Variants in ZNF697 observed in about 807,000 individuals in gnomAD.
The protein encoded by ZNF697 is zinc finger protein 697.
ZNF697 carries 23 observed loss-of-function variants against 32.4 expected under a neutral mutation model. The ratio of observed to expected loss-of-function variants is 0.71; its 90% confidence interval spans 0.51 to 1.01. ZNF697 has a LOEUF of 1.01. Ranked by LOEUF, ZNF697 falls within the 50% of genes least tolerant of loss-of-function variation. The pLI is 0.00. For missense variants in ZNF697, 930 were observed against 794.0 expected (o/e 1.17, Z -2.06); for synonymous variants, 418 against 337.2 (o/e 1.24, Z -2.62).
intron 1 of ZNF697, among the ~76,000 whole-genome samples, chr1:119,641,326 T>C (rs1649065007): frequency 6.6e-6 from 1 of 151,970 alleles, no homozygotes; most frequent in Non-Finnish European, 1.5e-5. Flanking sequence ...TAGTTTTATA[T>C]TAAATTAAAT....
intron 1 of ZNF697, among the ~76,000 whole-genome samples, chr1:119,630,548 G>T (rs1418588070): frequency 6.6e-6 from 1 of 152,180 alleles, no homozygotes; most frequent in East Asian, 1.9e-4. Flanking sequence ...CTGGGAAAAT[G>T]CTCAAGAGCC....
rs367955104 is a variant in ZNF697 at position 119,623,077 on chromosome 1, C to T, written c.1266G>A (p.Ser422=). ...GCGTGCGCTTGTGCGTGAAGAGGTGCGAGCTGACGCTGAAGGTCTCGCCGC... is the reference window on the plus strand; with the variant it reads ...GCGTGCGCTTGTGCGTGAAGAGGTGTGAGCTGACGCTGAAGGTCTCGCCGC... The part of the protein sequence containing the change: ...SECGETFSVS[S]HLFTHKRTHS... The change falls in exon 3 of 3, where the codon TCG becomes TCA. Residue 422 remains serine (S), a synonymous_variant. Transcript: ENST00000421812. 1.4e-5 allele frequency: 22 copies of T among 1,577,424 alleles called. No homozygotes were observed. In the South Asian group the frequency reaches 2.3e-4, roughly 17 times the overall value.
chr1:119,640,149 T>C (rs587624571), intron 1 of ZNF697, among the ~76,000 whole-genome samples: 1 of 152,370 alleles, frequency 6.6e-6, no homozygotes, highest in South Asian at 2.1e-4. Flanking sequence ...GCTCTCCTTT[T>C]TCTCCTACCA....
chr1:119,631,483 G>C (rs888197291), intron 1 of ZNF697, among the ~76,000 whole-genome samples: 2 of 152,244 alleles, frequency 1.3e-5, no homozygotes, highest in African/African-American at 4.8e-5. Context: ...AAGCGCGTTA[G>C]GACTGGAAGA....
chr1:119,623,820 C>T lies in ZNF697; in HGVS notation c.523G>A (p.Gly175Arg), dbSNP rs1305072820. 2 of 1,546,992 alleles carry T rather than the reference C, an allele frequency of 1.3e-6. No homozygotes were observed. Among genetic ancestry groups the T allele is most frequent in the Non-Finnish European group, 1.7e-6 (2 of 1,145,328 alleles). Reference protein sequence around the residue: ...RLHHPMAVDLGELDSLVASIM... With the variant: ...RLHHPMAVDLRELDSLVASIM... ...CTGGCCACCAGGCTATCCAGCTCCC[C>T]GAGGTCCACGGCCATGGGGTGGTGG... is the stretch of plus-strand genomic sequence containing the variant. The change falls in exon 3 of 3, where the codon GGG becomes AGG. Residue 175 changes from glycine (G) to arginine (R), a missense_variant. Coordinates refer to ENST00000421812, the MANE Select transcript of ZNF697 (RefSeq NM_001080470.2).
In ZNF697 at chr1:119,642,679, A is replaced by T. The variant is rs950005870; in HGVS notation, c.-38+5012T>A. On this transcript the variant is annotated intron_variant, in intron 1 of 2. Coordinates refer to ENST00000421812, the MANE Select transcript of ZNF697 (RefSeq NM_001080470.2). ...TTTTAGGAACAAATTAAAATGAAAT[A>T]AAAAAACACATTCATTCAACAAATA... 8.5e-5 allele frequency among the ~76,000 whole-genome samples: 13 copies of T among 152,294 alleles called. No individual in the cohort carries two copies. The South Asian group carries it at 2.3e-3, about 27-fold the overall frequency.
In ZNF697 at chr1:119,624,092, C is replaced by A; in HGVS notation, c.251G>T (p.Gly84Val). 6.3e-7 allele frequency: 1 copy of A among 1,585,826 alleles called. No individual in the cohort carries two copies. Among genetic ancestry groups the A allele is most frequent in the Admixed American group, 1.7e-5 (1 of 57,258 alleles). ...ATCCTCTTCCCCACGGACAGAAACG[C>A]CTTCTTCCTCACTCAGCTGCCCCTC... ...CTEGQLSEEE[G>V]VSVRGEEDDQ... is the part of the protein sequence containing the mutation. The change falls in exon 3 of 3, where the codon GGC becomes GTC. Residue 84 changes from glycine (G) to valine (V), a missense_variant. Transcript: ENST00000421812.
intron 1 of ZNF697, among the ~76,000 whole-genome samples, chr1:119,641,245 A>AG (rs1225324598): frequency 6.6e-6 from 1 of 152,190 alleles, no homozygotes; most frequent in African/African-American, 2.4e-5. Context: ...TATTGTTATA[A>AG]GGGGGGTGGT....
chr1:119,623,423 T>C lies in ZNF697; in HGVS notation c.920A>G (p.His307Arg). The change falls in exon 3 of 3, where the codon CAC becomes CGC. Residue 307 changes from histidine (H) to arginine (R), a missense_variant. Transcript: ENST00000421812. ...SFSWRADLLKHRRLHTGEKPY... is the reference protein window; with the variant it reads ...SFSWRADLLKRRRLHTGEKPY... The stretch of plus-strand genomic sequence containing the variant: ...CTTCTCGCCCGTGTGCAGGCGCCGG[T>C]GCTTGAGCAGGTCGGCGCGCCAGCT... The C allele has an allele frequency of 1.3e-6, 2 of 1,536,420 alleles. No individual in the cohort carries two copies. The highest frequency in any genetic ancestry group is 1.7e-6 in the Non-Finnish European group (2 of 1,142,972).
At position 119,619,868 on chromosome 1, in the gene ZNF697, AT is replaced by A; in HGVS notation, c.*2836del. 1 of 152,654 alleles carries A rather than the reference AT, an allele frequency of 6.6e-6. No homozygotes were observed. Among genetic ancestry groups the A allele is most frequent in the East Asian group, 1.9e-4 (1 of 5,200 alleles). The allele number at this position is 152,654 out of a possible 1,614,324, so 9.5% of individuals were successfully genotyped here. A position where few individuals can be genotyped will look rare whatever the true frequency, so the allele number is the denominator to read the frequency against. On this transcript the variant is annotated 3_prime_UTR_variant, in exon 3 of 3. Transcript: ENST00000421812. ...GGGCAGCAGAGGAAGACTGCTCTTC[AT>A]CAAATTCTCCAGGAAACAAATAATA...
At chr1:119,645,889 A>G (rs1022210056) in intron 1 of ZNF697, among the ~76,000 whole-genome samples, 12 of 152,320 alleles carry the variant, frequency 7.9e-5, no homozygotes, top group South Asian at 4.1e-4. Context: ...TTCTTTCTAC[A>G]TAAGCAGACA....
At chr1:119,625,171 G>T (rs760856052) in intron 2 of ZNF697, among the ~76,000 whole-genome samples, 4 of 152,108 alleles carry the variant, frequency 2.6e-5, no homozygotes, top group Non-Finnish European at 5.9e-5. Context: ...TGTGCACTGC[G>T]GAGGAGGGCA....
rs756766451 is a variant in ZNF697 at position 119,623,552 on chromosome 1, C to G, written c.791G>C (p.Gly264Ala). 1 of 1,529,152 alleles carries G rather than the reference C, an allele frequency of 6.5e-7. No homozygotes were observed. Among genetic ancestry groups the G allele is most frequent in the Non-Finnish European group, 8.8e-7 (1 of 1,140,402 alleles). The allele number at this position is 1,529,152 out of a possible 1,614,324, so 94.7% of individuals were successfully genotyped here. A position where few individuals can be genotyped will look rare whatever the true frequency, so the allele number is the denominator to read the frequency against. ...RPPREKPFRCGECGKGFSRNT... is the reference protein window; with the variant it reads ...RPPREKPFRCAECGKGFSRNT... ...GCGGCTGAAGCCCTTGCCGCACTCC[C>G]CGCAGCGGAAGGGCTTTTCGCGCGG... The change falls in exon 3 of 3, where the codon GGG becomes GCG. Residue 264 changes from glycine to alanine, a missense_variant. By Grantham distance (60) the Gly-to-Ala change is moderately conservative (BLOSUM62 0). Transcript: ENST00000421812.
In ZNF697 at chr1:119,620,501, T is replaced by G. The variant is rs1410079090; in HGVS notation, c.*2204A>C. The G allele has an allele frequency of 5.9e-5, 9 of 152,636 alleles. No homozygotes were observed. Among genetic ancestry groups the G allele is most frequent in the Admixed American group, 5.9e-4 (9 of 15,284 alleles). 9.5% of individuals were successfully genotyped at this position (152,636 alleles called of 1,614,324 possible). On this transcript the variant is annotated 3_prime_UTR_variant, in exon 3 of 3. Coordinates refer to ENST00000421812, the MANE Select transcript of ZNF697 (RefSeq NM_001080470.2). The stretch of plus-strand genomic sequence containing the variant: ...ACATGGAAAGAAACCCACAAAGCAG[T>G]AAGATTACCTAGAAATTGGCTATAT...
intron 1 of ZNF697, among the ~76,000 whole-genome samples, chr1:119,635,524 C>T (rs1367757875): frequency 6.6e-6 from 1 of 152,188 alleles, no homozygotes; most frequent in Non-Finnish European, 1.5e-5. Flanking sequence ...AATGCAGCAA[C>T]TCTACACTCC....
At chr1:119,638,818 G>A (rs1044973930) in intron 1 of ZNF697, among the ~76,000 whole-genome samples, 1 of 152,162 alleles carries the variant, frequency 6.6e-6, no homozygotes, top group African/African-American at 2.4e-5. Flanking sequence ...CTGAGGTGCT[G>A]TCCCGCATGT....
chr1:119,625,776 C>G, intron 2 of ZNF697, 99 bp downstream of exon 2: 1 of 1,468,814 alleles, frequency 6.8e-7, no homozygotes, highest in Admixed American at 2.1e-5. Flanking sequence ...CTCTATGGAA[C>G]TCCCTTACAG....
chr1:119,638,833 T>C (rs373652629), intron 1 of ZNF697, among the ~76,000 whole-genome samples: 12 of 152,088 alleles, frequency 7.9e-5, no homozygotes, highest in Non-Finnish European at 1.5e-4. Context: ...GCATGTCCCA[T>C]GTGACAAGGG....
At chr1:119,633,308 T>C (rs1285192467) in intron 1 of ZNF697, among the ~76,000 whole-genome samples, 1 of 152,150 alleles carries the variant, frequency 6.6e-6, no homozygotes, top group Non-Finnish European at 1.5e-5. Context: ...CTTTTCTTTT[T>C]GTTTTTGCAC....
Sources: allele counts gnomAD v4.1 joint callset (sites outside exome capture counted in the v4.1 genomes callset), GRCh38; gene constraint gnomAD v4.1.1; transcripts MANE v1.5; gene names NCBI Gene and HGNC (gene_info 2026-07-23, HGNC 2026-07-21).